The following KANK1 variants were observed in gnomAD, a reference collection of about 807,000 sequenced individuals.
KANK1 encodes the protein KN motif and ankyrin repeat domains 1, also known as KN motif and ankyrin repeat domain-containing protein 1.
In KANK1, 109 loss-of-function variants were observed where a neutral mutation model predicts 106.2. The ratio of observed to expected loss-of-function variants is 1.03; its 90% CI spans 0.88 to 1.20. The LOEUF is 1.20. KANK1 is among the 50% of genes most tolerant of loss of function. KANK1 has a pLI of 0.00. For synonymous variants in KANK1, 873 were observed against 652.2 expected (o/e 1.34, Z -5.16); for missense variants, 2,399 against 1,710.7 (o/e 1.40, Z -7.10).
At chr9:663,693 C>G (rs1398673603) in intron 1 of KANK1, among the ~76,000 whole-genome samples, 1 of 152,130 alleles carries the variant, frequency 6.6e-6, no homozygotes, top group Non-Finnish European at 1.5e-5. Context: ...TGTCAGTTAT[C>G]TTTAAATGTT....
At chr9:525,483 G>A (rs529435682) in intron 1 of KANK1, among the ~76,000 whole-genome samples, 3 of 151,002 alleles carry the variant, frequency 2.0e-5, no homozygotes, top group Admixed American at 1.3e-4. Context: ...TGGTTCAAGC[G>A]ATTCTCATGC....
chr9:584,521 G>A (rs1356247920), intron 1 of KANK1, among the ~76,000 whole-genome samples: 3 of 152,180 alleles, frequency 2.0e-5, no homozygotes, highest in Admixed American at 6.5e-5. Flanking sequence ...TCTGAACCTA[G>A]ACTTCTGTTC....
chr9:481,081 T>A (rs2058195892), intron 3 of KANK1, among the ~76,000 whole-genome samples: 1 of 152,220 alleles, frequency 6.6e-6, no homozygotes, highest in African/African-American at 2.4e-5. Context: ...TTGGGCTACA[T>A]CATCTGACAC....
chr9:700,560 C>T (rs1171650150), intron 2 of KANK1, among the ~76,000 whole-genome samples: 2 of 152,160 alleles, frequency 1.3e-5, no homozygotes, highest in African/African-American at 2.4e-5. Flanking sequence ...TTCCTGCTGA[C>T]GTGGGATCTT....
At position 606,957 on chromosome 9, in the gene KANK1, G is replaced by A. The variant is rs1450026275; in HGVS notation, c.-83-69933G>A. Among the ~76,000 whole-genome samples the A allele has an allele frequency of 3.4e-5, 5 of 149,104 alleles. No individual in the cohort carries two copies. The South Asian group carries it at 8.4e-4, about 25-fold the overall frequency. ...TAAAAACTAAGAGGAAACTAGTGAAGTGTAGTTGCCCGTTCACATTTTTAT... is the reference window on the plus strand; with the variant it reads ...TAAAAACTAAGAGGAAACTAGTGAAATGTAGTTGCCCGTTCACATTTTTAT... On this transcript the variant is annotated intron_variant, in intron 1 of 11. Transcript: ENST00000382297.
intron 2 of KANK1, among the ~76,000 whole-genome samples, chr9:689,843 T>C (rs1819453180): frequency 6.6e-6 from 1 of 152,116 alleles, no homozygotes; most frequent in African/African-American, 2.4e-5. Context: ...CAGAGCATCC[T>C]CCTTTCACTC....
intron 1 of KANK1, among the ~76,000 whole-genome samples, chr9:641,346 T>A (rs981119514): frequency 1.3e-5 from 2 of 152,176 alleles, no homozygotes; most frequent in African/African-American, 4.8e-5. Context: ...GTTAGAAGAA[T>A]CCTCCTTATC....
At chr9:620,211 A>ACT (rs111819821) in intron 1 of KANK1, among the ~76,000 whole-genome samples, 3,614 of 152,072 alleles carry the variant, frequency 0.024, 142 homozygotes, top group African/African-American at 0.082. Context: ...TGTCAGGTAC[A>ACT]CTGGTGTCTT....
At chr9:615,563 C>T (rs534935184) in intron 1 of KANK1, among the ~76,000 whole-genome samples, 1 of 152,208 alleles carries the variant, frequency 6.6e-6, no homozygotes, top group African/African-American at 2.4e-5. Context: ...GAATTTGATT[C>T]CCACTTGTTC....
At chr9:703,069 G>A (rs560100259) in intron 2 of KANK1, among the ~76,000 whole-genome samples, 5 of 152,202 alleles carry the variant, frequency 3.3e-5, no homozygotes, top group Admixed American at 1.3e-4. Context: ...TCGGTTCACT[G>A]TAGCCTCCGC....
At chr9:578,349 GTGTT>G (rs947182118) in intron 1 of KANK1, among the ~76,000 whole-genome samples, 2 of 151,904 alleles carry the variant, frequency 1.3e-5, no homozygotes, top group Non-Finnish European at 2.9e-5. Flanking sequence ...GTGTGTGTGT[GTGTT>G]TGCCTTTGCT....
intron 3 of KANK1, among the ~76,000 whole-genome samples, chr9:498,389 T>C (rs1211863630): frequency 6.6e-6 from 1 of 152,156 alleles, no homozygotes; most frequent in Non-Finnish European, 1.5e-5. Context: ...AACTGAATTC[T>C]GAGACAATGG....
chr9:712,725 G>A lies in KANK1; in HGVS notation c.1959G>A (p.Glu653=), dbSNP rs749196062. 3.7e-6 allele frequency: 6 copies of A among 1,613,840 alleles called. No individual in the cohort carries two copies. Among genetic ancestry groups the A allele is most frequent in the Middle Eastern group, 1.6e-4 (1 of 6,084 alleles). The change falls in exon 3 of 12, where the codon GAG becomes GAA. Residue 653 remains glutamate, a synonymous_variant. Coordinates refer to ENST00000382297, the MANE Select transcript of KANK1 (RefSeq NM_015158.5). ...KECASRGVNT[E]AVSQVEAAVM... is the part of the protein sequence containing the mutation. ...GCGCCTCCCGGGGCGTGAACACTGAGGCTGTTAGCCAGGTGGAAGCTGCCG... is the reference window on the plus strand; with the variant it reads ...GCGCCTCCCGGGGCGTGAACACTGAAGCTGTTAGCCAGGTGGAAGCTGCCG...
intron 1 of KANK1, among the ~76,000 whole-genome samples, chr9:520,035 G>A (rs1216937567): frequency 6.6e-6 from 1 of 151,578 alleles, no homozygotes; most frequent in African/African-American, 2.4e-5. Flanking sequence ...TATGGCAGAG[G>A]GTAAGAAAAG....
chr9:534,063 A>T, intron 1 of KANK1, among the ~76,000 whole-genome samples: 1 of 151,758 alleles, frequency 6.6e-6, no homozygotes, highest in East Asian at 1.9e-4. Context: ...ATTGGGAGAA[A>T]GGGGGGGGCA....
chr9:473,945 A>AAAGT (rs2058062941), intron 3 of KANK1, among the ~76,000 whole-genome samples: 1 of 149,582 alleles, frequency 6.7e-6, no homozygotes, highest in Non-Finnish European at 1.5e-5. Context: ...TGATCTGCCC[A>AAAGT]CCTCGGCCTC....
intron 1 of KANK1, among the ~76,000 whole-genome samples, chr9:664,109 G>C (rs540669808): frequency 1.3e-5 from 2 of 152,242 alleles, no homozygotes; most frequent in African/African-American, 4.8e-5. Flanking sequence ...GTTTTCATGA[G>C]ATCTTTACAC....
intron 1 of KANK1, among the ~76,000 whole-genome samples, chr9:555,982 C>G (rs997603283): frequency 1.6e-4 from 25 of 152,126 alleles, no homozygotes; most frequent in Admixed American, 1.4e-3. Flanking sequence ...TAAACATTTT[C>G]AGAGTTATAC....
At chr9:516,598 C>T (rs1587422125) in intron 1 of KANK1, among the ~76,000 whole-genome samples, 1 of 151,392 alleles carries the variant, frequency 6.6e-6, no homozygotes, top group Admixed American at 6.6e-5. Flanking sequence ...GAAAATTGTT[C>T]ATAATGCTGG....
Sources: gnomAD v4.1 joint callset for allele counts (sites outside exome capture counted in the v4.1 genomes callset) on GRCh38, gnomAD v4.1.1 for gene constraint, MANE v1.5 for transcripts, NCBI Gene and HGNC (gene_info 2026-07-23, HGNC 2026-07-21) for gene names.